The following DPP4 variants were observed in gnomAD, a reference collection of about 807,000 sequenced individuals.
DPP4 encodes the protein dipeptidyl peptidase 4.
DPP4 carries 93 observed loss-of-function variants against 122.4 expected under a neutral mutation model. That is an observed-to-expected ratio of 0.76 (90% CI 0.64 to 0.90). The LOEUF (loss-of-function observed/expected upper bound fraction) is 0.90, where lower values mean the gene tolerates loss of function less well. Ranked by LOEUF, DPP4 falls within the 40% of genes least tolerant of loss-of-function variation. The pLI is 0.00. For synonymous variants in DPP4, 321 were observed against 302.9 expected, an observed-to-expected ratio of 1.06 and a Z score of -0.62; for missense variants, 914 against 907.3, an observed-to-expected ratio of 1.01 and a Z score of -0.09.
At chr2:162,044,087 T>C (rs554213309) in intron 5 of DPP4, among the ~76,000 whole-genome samples, 1 of 152,296 alleles carries the variant, frequency 6.6e-6, no homozygotes, top group African/African-American at 2.4e-5. Flanking sequence ...TTTACTGATC[T>C]GGGGATTGAA....
intron 24 of DPP4, 124 bp from the exon 25 acceptor site, chr2:161,995,158 G>A: frequency 7.6e-7 from 1 of 1,315,068 alleles, no homozygotes; most frequent in Non-Finnish European, 1.1e-6. Context: ...ATCCCATTTA[G>A]CCCAAGACAA....
intron 23 of DPP4, among the ~76,000 whole-genome samples, chr2:161,996,416 T>C (rs1243387215): frequency 6.6e-6 from 1 of 152,186 alleles, no homozygotes; most frequent in Non-Finnish European, 1.5e-5. Flanking sequence ...AAAGCCAAGG[T>C]TTATATTTCA....
At chr2:162,070,435 AC>A (rs1346633671) in intron 2 of DPP4, among the ~76,000 whole-genome samples, 1 of 152,182 alleles carries the variant, frequency 6.6e-6, no homozygotes, top group Non-Finnish European at 1.5e-5. Flanking sequence ...CAGGGGATGA[AC>A]TTGGGTTTGC....
intron 19 of DPP4, among the ~76,000 whole-genome samples, chr2:162,012,775 A>G (rs976309790): frequency 6.6e-6 from 1 of 151,920 alleles, no homozygotes; most frequent in African/African-American, 2.4e-5. Context: ...TGCACCATCT[A>G]CACAACTCCT....
At chr2:162,033,894 A>ATT (rs10526211) in intron 9 of DPP4, among the ~76,000 whole-genome samples, 2 of 139,806 alleles carry the variant, frequency 1.4e-5, no homozygotes, top group Non-Finnish European at 3.0e-5. Context: ...ATATATATAT[A>ATT]CACACTATAT....
At chr2:162,035,586 A>AT (rs1221827784) in intron 8 of DPP4, among the ~76,000 whole-genome samples, 2 of 152,144 alleles carry the variant, frequency 1.3e-5, no homozygotes, top group African/African-American at 4.8e-5. Context: ...TAAGCTCTAC[A>AT]TTTTTTTCTT....
At chr2:161,997,112 A>C (rs996812368) in intron 23 of DPP4, among the ~76,000 whole-genome samples, 19 of 152,266 alleles carry the variant, frequency 1.2e-4, no homozygotes, top group African/African-American at 4.6e-4. Context: ...ATCCTGGCCT[A>C]GTAGGCTTAA....
At chr2:161,994,881 C>G in intron 25 of DPP4, 80 bp downstream of exon 25, 1 of 1,353,620 alleles carries the variant, frequency 7.4e-7, no homozygotes, top group Non-Finnish European at 1.1e-6. Context: ...GTCTGTGGCA[C>G]TGCTAAAAGA....
At position 162,014,398 on chromosome 2, in the gene DPP4, A is replaced by T; in HGVS notation, c.1635T>A (p.Asp545Glu). The T allele has an allele frequency of 1.9e-6, 3 of 1,605,472 alleles. No individual in the cohort carries two copies. The highest frequency in any genetic ancestry group is 2.6e-6 in the Non-Finnish European group (3 of 1,174,336). ...GCTCCCTTCTCTTGAATACTTACAC[A>T]TCTAATAGTAGAGGATATTTCTTGG... ...DKSKKYPLLL[D>E]VYAGPCSQKA... Residue 545 changes from aspartate (D) to glutamate (E), a missense_variant and splice_region_variant, in exon 19 of 26, where the codon GAT (aspartate) becomes GAA (glutamate). Transcript: ENST00000360534.
intron 16 of DPP4, 76 bp from the exon 17 acceptor site, chr2:162,017,231 ATACCATTTGT>A (rs1682959003): frequency 7.9e-7 from 1 of 1,267,966 alleles, no homozygotes; most frequent in African/African-American, 1.5e-5. Context: ...CTTTTCAAAA[ATACCATTTGT>A]TACCATTTAA....
In DPP4 at chr2:162,039,170, G is replaced by A. The variant is rs1163632119; in HGVS notation, c.381C>T (p.Ser127=). Residue 127 remains serine, a synonymous_variant, in exon 6 of 26, where the codon TCC becomes TCT. Coordinates refer to ENST00000360534, the MANE Select transcript of DPP4 (RefSeq NM_001935.4). ...CATAAATGTCATATGAAGCTGTGTA[G>A]GAATGCCTCCATTGCTATGAAAGAA... ...EYNYVKQWRH[S]YTASYDIYDL... 3 of 1,612,690 alleles carry A rather than the reference G, an allele frequency of 1.9e-6. No individual in the cohort carries two copies. Among genetic ancestry groups the A allele is most frequent in the Non-Finnish European group, 2.5e-6 (3 of 1,179,326 alleles).
intron 23 of DPP4, among the ~76,000 whole-genome samples, chr2:162,000,726 A>G (rs1701125996): frequency 6.6e-6 from 1 of 152,208 alleles, no homozygotes; most frequent in African/African-American, 2.4e-5. Flanking sequence ...GCAAAATGCA[A>G]AATAAATCTC....
At chr2:162,069,973 A>T (rs1205817322) in intron 2 of DPP4, among the ~76,000 whole-genome samples, 1 of 152,248 alleles carries the variant, frequency 6.6e-6, no homozygotes, top group African/African-American at 2.4e-5. Flanking sequence ...ACTATTTGAC[A>T]AATAACCAAA....
intron 18 of DPP4, among the ~76,000 whole-genome samples, chr2:162,015,898 T>C (rs1682892481): frequency 6.6e-6 from 1 of 152,200 alleles, no homozygotes; most frequent in African/African-American, 2.4e-5. Flanking sequence ...TAAGCAGCAC[T>C]AGCATCACCT....
chr2:162,030,672 T>C (rs1423279633), intron 10 of DPP4, among the ~76,000 whole-genome samples: 1 of 152,152 alleles, frequency 6.6e-6, no homozygotes, highest in African/African-American at 2.4e-5. Flanking sequence ...AGAGAGCATC[T>C]AGAGTCTAGT....
chr2:162,034,703 T>A (rs779117845), intron 9 of DPP4, among the ~76,000 whole-genome samples: 1 of 152,170 alleles, frequency 6.6e-6, no homozygotes, highest in South Asian at 2.1e-4. Flanking sequence ...ATGTAGGACA[T>A]GAAAAATTTA....
At position 162,035,183 on chromosome 2, in the gene DPP4, A is replaced by G; in HGVS notation, c.755T>C (p.Val252Ala). 1.9e-6 allele frequency: 3 copies of G among 1,613,728 alleles called. No individual in the cohort carries two copies. The highest frequency in any genetic ancestry group is 2.5e-6 in the Non-Finnish European group (3 of 1,179,826). Residue 252 changes from valine to alanine, a missense_variant, in exon 9 of 26, where the codon GTA becomes GCA. Val to Ala is a moderately conservative substitution (Grantham distance 64). Transcript: ENST00000360534. ...SDESLQYPKTVRVPYPKAGAV... is the reference protein window; with the variant it reads ...SDESLQYPKTARVPYPKAGAV... The stretch of plus-strand genomic sequence containing the variant: ...ACAGACCTTTGGATATGGAACCCGT[A>G]CAGTCTTTGGGTACTGCAGTGACTC...
chr2:162,055,980 T>C (rs1158658210), intron 2 of DPP4, among the ~76,000 whole-genome samples: 1 of 152,208 alleles, frequency 6.6e-6, no homozygotes, highest in Admixed American at 6.5e-5. Flanking sequence ...GGCTCATGCC[T>C]GCCTCAGAGA....
At chr2:162,062,083 A>G (rs1684793096) in intron 2 of DPP4, among the ~76,000 whole-genome samples, 1 of 151,812 alleles carries the variant, frequency 6.6e-6, no homozygotes, top group Admixed American at 6.6e-5. Flanking sequence ...AGCCTGGCCA[A>G]CATGGCAAAA....
Sources: allele counts gnomAD v4.1 joint callset (sites outside exome capture counted in the v4.1 genomes callset), GRCh38; gene constraint gnomAD v4.1.1; transcripts MANE v1.5; gene names NCBI Gene and HGNC (gene_info 2026-07-23, HGNC 2026-07-21).